KLHL1: variants seen among roughly 807,000 people sequenced by gnomAD.
KLHL1 encodes kelch-like protein 1.
In KLHL1, 47 loss-of-function variants were observed where a neutral mutation model predicts 77.7. That is an observed-to-expected ratio of 0.60 (90% CI 0.48 to 0.77). KLHL1 has a LOEUF of 0.77. Among genes scored for constraint, KLHL1 ranks in the 30% least tolerant of loss-of-function variants. The pLI, the probability that KLHL1 is intolerant of heterozygous loss-of-function variation, is 0.00. For synonymous variants in KLHL1, 360 were observed against 325.2 expected (o/e 1.11, Z -1.15); for missense variants, 925 against 910.8 (o/e 1.02, Z -0.20).
intron 6 of KLHL1, among the ~76,000 whole-genome samples, chr13:69,821,166 A>G (rs1228561889): frequency 6.6e-6 from 1 of 152,308 alleles, no homozygotes; most frequent in East Asian, 1.9e-4. Context: ...TACATAAACC[A>G]TACAAAACAA....
chr13:70,082,327 AC>A (rs1887413751), intron 1 of KLHL1, among the ~76,000 whole-genome samples: 1 of 139,590 alleles, frequency 7.2e-6, no homozygotes, highest in Non-Finnish European at 1.6e-5. Flanking sequence ...ACACACACAC[AC>A]ACACACACAC....
chr13:70,088,156 C>A (rs1887590049), intron 1 of KLHL1, among the ~76,000 whole-genome samples: 1 of 152,080 alleles, frequency 6.6e-6, no homozygotes, highest in Admixed American at 6.6e-5. Flanking sequence ...TTCAGTTCTG[C>A]TGATTTTTTT....
chr13:69,800,302 C>A (rs2138044594), intron 6 of KLHL1, among the ~76,000 whole-genome samples: 2 of 152,266 alleles, frequency 1.3e-5, no homozygotes, highest in Middle Eastern at 6.8e-3. Flanking sequence ...TTATCCCACT[C>A]TTTCTGTGTA....
chr13:70,002,122 T>C (rs1470774876), intron 1 of KLHL1, among the ~76,000 whole-genome samples: 1 of 151,638 alleles, frequency 6.6e-6, no homozygotes, highest in Non-Finnish European at 1.5e-5. Flanking sequence ...GATATCAACA[T>C]ACTCCTTATG....
At chr13:70,064,553 G>C (rs1354144418) in intron 1 of KLHL1, among the ~76,000 whole-genome samples, 2 of 152,152 alleles carry the variant, frequency 1.3e-5, no homozygotes, top group Non-Finnish European at 2.9e-5. Context: ...AAACCTCATT[G>C]TCATGGTTGT....
intron 1 of KLHL1, among the ~76,000 whole-genome samples, chr13:70,046,128 T>C (rs962243956): frequency 6.6e-6 from 1 of 151,988 alleles, no homozygotes; most frequent in African/African-American, 2.4e-5. Flanking sequence ...GCCAGTGGAA[T>C]AGACCATTGT....
intron 1 of KLHL1, among the ~76,000 whole-genome samples, chr13:70,025,955 T>G (rs1029388685): frequency 1.2e-4 from 18 of 152,052 alleles, no homozygotes; most frequent in Admixed American, 6.6e-4. Context: ...GGTGAAACAT[T>G]TTGAAGGTTC....
At chr13:69,788,979 A>T (rs1356729970) in intron 7 of KLHL1, among the ~76,000 whole-genome samples, 1 of 150,246 alleles carries the variant, frequency 6.7e-6, no homozygotes, top group Non-Finnish European at 1.5e-5. Context: ...CTCTCAGGAG[A>T]ATTCAGGAGA....
intron 9 of KLHL1, among the ~76,000 whole-genome samples, chr13:69,715,136 G>A (rs11839809): frequency 0.43 from 64,742 of 151,904 alleles, 14,042 homozygotes; most frequent in African/African-American, 0.48. Context: ...ATCAGCTAAC[G>A]ATTGCTGCAT....
At chr13:69,706,726 A>T (rs1202979680) in intron 10 of KLHL1, among the ~76,000 whole-genome samples, 2 of 151,990 alleles carry the variant, frequency 1.3e-5, no homozygotes, top group Admixed American at 6.6e-5. Flanking sequence ...ATATTGAGAG[A>T]TTTGGAGAAG....
intron 7 of KLHL1, among the ~76,000 whole-genome samples, chr13:69,780,014 G>T (rs1427934733): frequency 2.0e-5 from 3 of 151,352 alleles, no homozygotes; most frequent in African/African-American, 4.9e-5. Flanking sequence ...ATGTTGGCCA[G>T]GCTTGTCTCT....
chr13:69,796,608 T>C, intron 7 of KLHL1, 130 bp downstream of exon 7: 1 of 700,188 alleles, frequency 1.4e-6, no homozygotes, highest in Non-Finnish European at 2.3e-6. Context: ...CTATGTTAAT[T>C]ACCCAGGTTC....
At chr13:69,986,671 T>C (rs1884879668) in intron 1 of KLHL1, among the ~76,000 whole-genome samples, 1 of 152,002 alleles carries the variant, frequency 6.6e-6, no homozygotes, top group Admixed American at 6.6e-5. Flanking sequence ...GTAAGAAATT[T>C]TGAATGTTAT....
chr13:69,772,889 A>G (rs905021862), intron 7 of KLHL1, among the ~76,000 whole-genome samples: 2 of 152,152 alleles, frequency 1.3e-5, no homozygotes, highest in Non-Finnish European at 2.9e-5. Context: ...ACAAAGCACT[A>G]GAGTGTTTGA....
intron 7 of KLHL1, among the ~76,000 whole-genome samples, chr13:69,776,323 G>A (rs1875826946): frequency 6.6e-6 from 1 of 151,994 alleles, no homozygotes; most frequent in South Asian, 2.1e-4. Flanking sequence ...GGTAGAAAAT[G>A]CAAAAAGCAA....
Position 70,006,921 on chromosome 13 carries a change from T to A in KLHL1, c.498-31119A>T, listed in dbSNP as rs150099943. Among the ~76,000 whole-genome samples the A allele has an allele frequency of 4.5e-3, 679 of 152,194 alleles. 5 individuals are homozygous for A. Among genetic ancestry groups the A allele is most frequent in the African/African-American group, 0.016 (655 of 41,556 alleles). Reference sequence around the variant, plus strand: ...TAAGTTACTCTTGCATATGTACAAATTATTTTTCATTTTGTTTTTATATCA... The same window carrying A: ...TAAGTTACTCTTGCATATGTACAAAATATTTTTCATTTTGTTTTTATATCA... On this transcript the variant is annotated intron_variant, in intron 1 of 10. Transcript: ENST00000377844.
intron 7 of KLHL1, among the ~76,000 whole-genome samples, chr13:69,785,418 C>G (rs1489646912): frequency 6.6e-6 from 1 of 151,966 alleles, no homozygotes; most frequent in Non-Finnish European, 1.5e-5. Context: ...GGGTACATAA[C>G]GAAATGAAGG....
In KLHL1 at chr13:69,975,728, G is replaced by C; in HGVS notation, c.572C>G (p.Ala191Gly). The C allele has an allele frequency of 1.9e-6, 3 of 1,613,468 alleles. No individual in the cohort carries two copies. The highest frequency in any genetic ancestry group is 2.5e-6 in the Non-Finnish European group (3 of 1,179,766). ...GAAGGTTTGCTCAGCATGATGAACA[G>C]CTTGATAGAATTCTTCAGAGCTACT... is the stretch of plus-strand genomic sequence containing the variant. Reference protein sequence around the residue: ...DSSSSEEFYQAVHHAEQTFRK... With the variant: ...DSSSSEEFYQGVHHAEQTFRK... Residue 191 changes from alanine (A) to glycine (G), a missense_variant, in exon 2 of 11, where the codon GCT (alanine) becomes GGT (glycine). Transcript: ENST00000377844.
intron 1 of KLHL1, among the ~76,000 whole-genome samples, chr13:70,026,959 T>G (rs1276772921): frequency 6.6e-6 from 1 of 152,148 alleles, no homozygotes; most frequent in Non-Finnish European, 1.5e-5. Context: ...CCTTCAATTT[T>G]ATGCTGAAAA....
Sources: allele counts gnomAD v4.1 joint callset (sites outside exome capture counted in the v4.1 genomes callset), GRCh38; gene constraint gnomAD v4.1.1; transcripts MANE v1.5; gene names NCBI Gene and HGNC (gene_info 2026-07-23, HGNC 2026-07-21).